The following LRP1B variants were observed in gnomAD, a reference collection of about 807,000 sequenced individuals.
LRP1B encodes low-density lipoprotein receptor-related protein 1B.
A neutral mutation model predicts 556.6 loss-of-function variants in LRP1B; 217 were observed. The ratio of observed to expected loss-of-function variants is 0.39; its 90% CI spans 0.35 to 0.44. LRP1B has a LOEUF of 0.44. Among genes scored for constraint, LRP1B ranks in the 20% least tolerant of loss-of-function variants. The pLI, the probability that LRP1B is intolerant of heterozygous loss-of-function variation, is 1.00. For synonymous variants in LRP1B, 2,047 were observed against 1,865.8 expected (o/e 1.10, Z -2.50); for missense variants, 5,053 against 5,620.8 (o/e 0.90, Z 3.23).
intron 49 of LRP1B, among the ~76,000 whole-genome samples, chr2:140,519,770 AATCAAAC>A (rs1690076332): frequency 6.6e-6 from 1 of 152,182 alleles, no homozygotes. Flanking sequence ...TACAAGAAAA[AATCAAAC>A]AACCCCATCA....
intron 7 of LRP1B, among the ~76,000 whole-genome samples, chr2:141,075,311 C>A (rs1400160461): frequency 6.6e-6 from 1 of 152,118 alleles, no homozygotes; most frequent in Non-Finnish European, 1.5e-5. Flanking sequence ...ATAAAGAGTT[C>A]AATTGAGTAA....
chr2:141,589,197 T>C (rs1687242696), intron 2 of LRP1B, among the ~76,000 whole-genome samples: 1 of 152,204 alleles, frequency 6.6e-6, no homozygotes, highest in Non-Finnish European at 1.5e-5. Flanking sequence ...TTTAACCTTT[T>C]AAACCTCTCT....
At chr2:140,536,744 G>A (rs2105004475) in intron 45 of LRP1B, 35 bp from the exon 46 acceptor site, 1 of 1,539,050 alleles carries the variant, frequency 6.5e-7, no homozygotes, top group Non-Finnish European at 8.7e-7. Flanking sequence ...ATACTTTTGT[G>A]CAATGGCAAA....
intron 7 of LRP1B, among the ~76,000 whole-genome samples, chr2:141,142,257 C>T (rs1467194882): frequency 2.0e-5 from 3 of 152,178 alleles, no homozygotes; most frequent in African/African-American, 7.2e-5. Flanking sequence ...GTGTTGACAG[C>T]TGTTCTAGAC....
intron 7 of LRP1B, among the ~76,000 whole-genome samples, chr2:141,158,379 A>G (rs552659671): frequency 6.6e-6 from 1 of 152,244 alleles, no homozygotes; most frequent in African/African-American, 2.4e-5. Flanking sequence ...CAGTGTCCTT[A>G]TGTCTCATTT....
intron 3 of LRP1B, among the ~76,000 whole-genome samples, chr2:141,283,447 G>A (rs897642601): frequency 3.9e-5 from 6 of 151,988 alleles, no homozygotes; most frequent in Non-Finnish European, 7.4e-5. Flanking sequence ...AGGTGGTGAG[G>A]TGGGAAAGGC....
chr2:141,697,091 A>G (rs1212543811), intron 2 of LRP1B, among the ~76,000 whole-genome samples: 1 of 151,974 alleles, frequency 6.6e-6, no homozygotes, highest in Non-Finnish European at 1.5e-5. Context: ...ATGTTTAAAC[A>G]TAACACATAT....
At chr2:141,566,802 T>C (rs72853599) in intron 2 of LRP1B, among the ~76,000 whole-genome samples, 16,787 of 151,950 alleles carry the variant, frequency 0.11, 1,418 homozygotes, top group African/African-American at 0.23. Flanking sequence ...GAGGCTGCAG[T>C]GAGGTATGAT....
chr2:141,600,678 C>A (rs531223689), intron 2 of LRP1B, among the ~76,000 whole-genome samples: 1 of 152,054 alleles, frequency 6.6e-6, no homozygotes, highest in South Asian at 2.1e-4. Flanking sequence ...GGGTCTCTGC[C>A]CATAAAATAA....
intron 18 of LRP1B, among the ~76,000 whole-genome samples, chr2:140,956,244 T>C (rs1015905472): frequency 1.3e-5 from 2 of 151,778 alleles, no homozygotes; most frequent in Admixed American, 6.6e-5. Context: ...CAGTATATCC[T>C]GCCTAAGGAC....
Position 141,486,966 on chromosome 2 carries a change from A to G in LRP1B, c.206-6433T>C, listed in dbSNP as rs150443333. 6.4e-3 allele frequency among the ~76,000 whole-genome samples: 973 copies of G among 152,236 alleles called. 7 individuals carry two copies. Among genetic ancestry groups the G allele is most frequent in the African/African-American group, 0.023 (937 of 41,546 alleles). The stretch of plus-strand genomic sequence containing the variant: ...AAGCCAGAGACATGCGAAGTCCTCC[A>G]AAGACTGATCAGAATACCTCTCTCT... On this transcript the variant is annotated intron_variant, in intron 2 of 90. Transcript: ENST00000389484.
At chr2:141,275,652 G>T (rs1207812319) in intron 3 of LRP1B, among the ~76,000 whole-genome samples, 1 of 152,146 alleles carries the variant, frequency 6.6e-6, no homozygotes, top group Non-Finnish European at 1.5e-5. Context: ...GGTTGACGCT[G>T]CAGTAAGCCA....
At chr2:140,486,456 T>C (rs1303767544) in intron 58 of LRP1B, among the ~76,000 whole-genome samples, 1 of 151,954 alleles carries the variant, frequency 6.6e-6, no homozygotes, top group South Asian at 2.1e-4. Context: ...TGAAAATCTG[T>C]GAATTAATAA....
At chr2:140,710,010 T>C (rs904808079) in intron 37 of LRP1B, among the ~76,000 whole-genome samples, 11 of 152,074 alleles carry the variant, frequency 7.2e-5, no homozygotes, top group Non-Finnish European at 1.5e-4. Context: ...ACTATGAATA[T>C]GGAAAAAGTT....
intron 7 of LRP1B, among the ~76,000 whole-genome samples, chr2:141,171,250 G>A (rs1247120622): frequency 1.3e-5 from 2 of 151,990 alleles, no homozygotes; most frequent in African/African-American, 4.8e-5. Flanking sequence ...TGTGGGTTTT[G>A]ATAAATGCAT....
chr2:141,464,839 AGGGATTTATTT>A (rs1342616372), intron 3 of LRP1B, among the ~76,000 whole-genome samples: 1 of 151,850 alleles, frequency 6.6e-6, no homozygotes, highest in Admixed American at 6.6e-5. Context: ...TCTCACTGAT[AGGGATTTATTT>A]GGGGGTGTAA....
intron 77 of LRP1B, among the ~76,000 whole-genome samples, chr2:140,349,996 C>A (rs913278404): frequency 1.3e-5 from 2 of 152,072 alleles, no homozygotes; most frequent in East Asian, 3.9e-4. Flanking sequence ...GTAGTGAGAA[C>A]TTCTAGATAG....
intron 2 of LRP1B, among the ~76,000 whole-genome samples, chr2:141,653,125 T>C (rs1574198343): frequency 6.6e-6 from 1 of 152,328 alleles, no homozygotes; most frequent in Non-Finnish European, 1.5e-5. Flanking sequence ...GATGAATCTG[T>C]AAGGTTACTG....
intron 2 of LRP1B, among the ~76,000 whole-genome samples, chr2:141,688,706 G>A (rs953688570): frequency 5.3e-5 from 8 of 151,760 alleles, no homozygotes; most frequent in African/African-American, 1.7e-4. Context: ...TGTCCACTTC[G>A]ATATACTGCC....
Sources: gnomAD v4.1 joint callset for allele counts (sites outside exome capture counted in the v4.1 genomes callset) on GRCh38, gnomAD v4.1.1 for gene constraint, MANE v1.5 for transcripts, NCBI Gene and HGNC (gene_info 2026-07-23, HGNC 2026-07-21) for gene names.